GRIK1: variants seen among roughly 807,000 people sequenced by gnomAD.
GRIK1 encodes glutamate ionotropic receptor kainate type subunit 1.
Under a neutral mutation model 105.7 loss-of-function variants are expected in GRIK1, and 69 were observed. The observed-to-expected ratio is 0.65, with a 90% CI of 0.54 to 0.80. The LOEUF is 0.80. Ranked by LOEUF, GRIK1 falls within the 30% of genes least tolerant of loss-of-function variation. The pLI is 0.00. For missense variants in GRIK1, 1,109 were observed against 1,167.3 expected (o/e 0.95, Z 0.73); for synonymous variants, 438 against 431.3 (o/e 1.02, Z -0.19).
At chr21:29,595,083 A>G (rs1209581847) in intron 9 of GRIK1, among the ~76,000 whole-genome samples, 1 of 152,160 alleles carries the variant, frequency 6.6e-6, no homozygotes, top group East Asian at 1.9e-4. Context: ...ATAACACAAA[A>G]CAGCACACCA....
Position 29,939,699 on chromosome 21 carries a change from T to G in GRIK1, c.-199A>C, listed in dbSNP as rs2071911463. 4.1e-6 allele frequency: 2 copies of G among 493,032 alleles called. No homozygotes were observed. The highest frequency in any genetic ancestry group is 2.0e-5 in the African/African-American group (1 of 49,008). The allele number at this position is 493,032 out of a possible 1,614,324, so 30.5% of individuals were successfully genotyped here. ...TGGCAAGGCTGAGCTCTCTCGGGGC[T>G]CCTCAGTGCTGTCGCTAGCCCATCA... On this transcript the variant is annotated 5_prime_UTR_variant, in exon 1 of 18. Coordinates refer to ENST00000327783, the MANE Select transcript of GRIK1 (RefSeq NM_001330994.2).
chr21:29,669,708 G>A (rs1171203882), intron 4 of GRIK1, among the ~76,000 whole-genome samples: 1 of 152,128 alleles, frequency 6.6e-6, no homozygotes, highest in African/African-American at 2.4e-5. Flanking sequence ...TGAGATTGAT[G>A]CTATGATCAT....
chr21:29,696,744 G>A (rs540228972), intron 1 of GRIK1, among the ~76,000 whole-genome samples: 1 of 152,190 alleles, frequency 6.6e-6, no homozygotes, highest in Non-Finnish European at 1.5e-5. Flanking sequence ...GGCATCTTTA[G>A]GACGTTCAGG....
chr21:29,704,011 G>T (rs1022331014), intron 1 of GRIK1, among the ~76,000 whole-genome samples: 1 of 152,170 alleles, frequency 6.6e-6, no homozygotes, highest in African/African-American at 2.4e-5. Flanking sequence ...GAGAAAGGCC[G>T]TGGATTATGG....
At chr21:29,937,957 C>G (rs968681379) in intron 1 of GRIK1, among the ~76,000 whole-genome samples, 2 of 152,090 alleles carry the variant, frequency 1.3e-5, no homozygotes, top group South Asian at 4.1e-4. Flanking sequence ...AGAAAAGACT[C>G]TATCCAATAC....
intron 1 of GRIK1, among the ~76,000 whole-genome samples, chr21:29,882,657 C>T (rs1030251865): frequency 4.6e-5 from 7 of 152,200 alleles, no homozygotes; most frequent in Admixed American, 2.0e-4. Flanking sequence ...ATTCACAGAA[C>T]CGAAATGAGG....
chr21:29,626,408 C>G (rs888987394), intron 7 of GRIK1, among the ~76,000 whole-genome samples: 4 of 152,118 alleles, frequency 2.6e-5, no homozygotes, highest in Admixed American at 6.6e-5. Flanking sequence ...GGGACACATT[C>G]AAATCGTAAC....
At chr21:29,725,060 A>G (rs577022956) in intron 1 of GRIK1, among the ~76,000 whole-genome samples, 1 of 151,522 alleles carries the variant, frequency 6.6e-6, no homozygotes, top group East Asian at 1.9e-4. Flanking sequence ...GTTTAAAATT[A>G]TTAATTACAC....
chr21:29,790,097 TG>T lies in GRIK1; in HGVS notation c.119-96035del, dbSNP rs201506379. On this transcript the variant is annotated intron_variant, in intron 1 of 17. Coordinates refer to ENST00000327783, the MANE Select transcript of GRIK1 (RefSeq NM_001330994.2). The stretch of plus-strand genomic sequence containing the variant: ...GTGGAGTCTCGCTGTATCACCAGAC[TG>T]GAGGGCAGTGGCATGATCTCGGCTC... Among the ~76,000 whole-genome samples the T allele has an allele frequency of 3.6e-3, 554 of 152,302 alleles. 2 individuals carry two copies. The highest frequency in any genetic ancestry group is 0.013 in the African/African-American group (532 of 41,564).
intron 16 of GRIK1, among the ~76,000 whole-genome samples, chr21:29,541,214 C>T (rs531874350): frequency 6.6e-6 from 1 of 152,310 alleles, no homozygotes; most frequent in Admixed American, 6.5e-5. Context: ...GATCCACCCC[C>T]CTTGGCCTTG....
intron 7 of GRIK1, among the ~76,000 whole-genome samples, chr21:29,626,878 G>A (rs1440761255): frequency 6.6e-6 from 1 of 152,166 alleles, no homozygotes; most frequent in East Asian, 1.9e-4. Context: ...GGTTCCATTA[G>A]CAATGCAGTA....
chr21:29,783,582 T>A (rs902769586), intron 1 of GRIK1, among the ~76,000 whole-genome samples: 14 of 152,194 alleles, frequency 9.2e-5, no homozygotes, highest in African/African-American at 2.9e-4. Context: ...AGCATTAAAA[T>A]TTTTCAATCC....
intron 1 of GRIK1, among the ~76,000 whole-genome samples, chr21:29,795,794 A>G (rs1489281360): frequency 6.6e-6 from 1 of 152,082 alleles, no homozygotes; most frequent in African/African-American, 2.4e-5. Context: ...CCTCTTTTTT[A>G]CTTGCTAGCA....
rs1821330128 is a variant in GRIK1, at chr21:29,651,205, GTGAGGGTT to G, written c.859_866del (p.Asn287ArgfsTer6). On this transcript the variant is annotated frameshift_variant, in exon 6 of 18. Transcript: ENST00000327783. LOFTEE classifies it high-confidence loss of function. The stretch of plus-strand genomic sequence containing the variant: ...ACCACTTCTCAATGATGGATGACAC[GTGAGGGTT>G]GTCAATGTTAAGCAGCCGAAACCCG... The G allele has an allele frequency of 6.2e-7, 1 of 1,612,920 alleles. No homozygotes were observed. The highest frequency in any genetic ancestry group is 1.7e-5 in the Admixed American group (1 of 60,006).
chr21:29,554,453 T>C (rs941710139), intron 16 of GRIK1, among the ~76,000 whole-genome samples: 1 of 152,178 alleles, frequency 6.6e-6, no homozygotes, highest in Non-Finnish European at 1.5e-5. Context: ...ACTAAAGTTG[T>C]CCTATAATCC....
chr21:29,547,274 G>A (rs922678004), intron 16 of GRIK1, among the ~76,000 whole-genome samples: 1 of 152,146 alleles, frequency 6.6e-6, no homozygotes, highest in Non-Finnish European at 1.5e-5. Flanking sequence ...TATATCCAGG[G>A]GAGGCCTTTC....
At chr21:29,560,384 C>CTTTTTT (rs1568813853) in intron 15 of GRIK1, among the ~76,000 whole-genome samples, 1 of 51,008 alleles carries the variant, frequency 2.0e-5, no homozygotes, top group African/African-American at 1.0e-4. Context: ...TTCCTTCCTT[C>CTTTTTT]CTTCCTTCCT....
intron 7 of GRIK1, among the ~76,000 whole-genome samples, chr21:29,629,576 G>A (rs1015344001): frequency 6.6e-6 from 1 of 150,590 alleles, no homozygotes; most frequent in Non-Finnish European, 1.5e-5. Flanking sequence ...TGCAAACTCC[G>A]CCTCCCAGGT....
intron 7 of GRIK1, among the ~76,000 whole-genome samples, chr21:29,629,470 A>G (rs927807618): frequency 5.3e-5 from 8 of 151,550 alleles, no homozygotes; most frequent in Non-Finnish European, 1.0e-4. Context: ...AGGTGTTCAC[A>G]CCTACTAAGT....
Sources: gnomAD v4.1 joint callset for allele counts (sites outside exome capture counted in the v4.1 genomes callset) on GRCh38, gnomAD v4.1.1 for gene constraint, MANE v1.5 for transcripts, NCBI Gene and HGNC (gene_info 2026-07-23, HGNC 2026-07-21) for gene names.